The following LYST variants were observed in gnomAD, a reference collection of about 807,000 sequenced individuals.
LYST encodes the protein lysosomal-trafficking regulator.
Under a neutral mutation model 413.6 loss-of-function variants are expected in LYST, and 192 were observed. The ratio of observed to expected loss-of-function variants is 0.46; its 90% CI spans 0.41 to 0.52. LYST has a LOEUF of 0.52. LYST is among the 20% of genes least tolerant of loss of function. The pLI, the probability that LYST is intolerant of heterozygous loss-of-function variation, is 0.00. For synonymous variants in LYST, 1,525 were observed against 1,567.3 expected, an observed-to-expected ratio of 0.97 and a Z score of 0.64; for missense variants, 3,815 against 4,499.9, an observed-to-expected ratio of 0.85 and a Z score of 4.35.
chr1:235,841,667 G>C (rs753400214), intron 1 of LYST, among the ~76,000 whole-genome samples: 1 of 152,156 alleles, frequency 6.6e-6, no homozygotes, highest in Non-Finnish European at 1.5e-5. Flanking sequence ...AGTGTGGATT[G>C]GATCAAGGGT....
chr1:235,782,172 G>C, intron 14 of LYST, 85 bp from the exon 15 acceptor site: 1 of 1,194,302 alleles, frequency 8.4e-7, no homozygotes, highest in Admixed American at 2.3e-5. Flanking sequence ...ATTTAACAAT[G>C]GGGAATTCTT....
intron 1 of LYST, among the ~76,000 whole-genome samples, chr1:235,882,248 G>A (rs1300665859): frequency 6.6e-6 from 1 of 152,188 alleles, no homozygotes; most frequent in East Asian, 1.9e-4. Flanking sequence ...TGAGGGAATA[G>A]CATAGGAAGT....
rs1265885719 is a variant in LYST, at chr1:235,806,638, T to C, written c.2498A>G (p.Asp833Gly). Residue 833 changes from aspartate (D) to glycine (G), a missense_variant, in exon 6 of 53, where the codon GAT becomes GGT. By Grantham distance (94) the Asp-to-Gly change is moderately conservative (BLOSUM62 -1). Around this residue, in one of 4 missense-constraint regions of LYST, gnomAD observed 1,648 missense variants for 1,810.3 expected, o/e 0.91. Coordinates refer to ENST00000389793, the MANE Select transcript of LYST (RefSeq NM_000081.4). ...CCCATCAATATCTGGAACTGAGGCA[T>C]CTTTCTGTTGCTCCCCTAGGCTGAT... is the stretch of plus-strand genomic sequence containing the variant. ...LIISLGEQQK[D>G]ASVPDIDGID... 6.2e-7 allele frequency: 1 copy of C among 1,614,108 alleles called. No homozygotes were observed. Among genetic ancestry groups the C allele is most frequent in the Non-Finnish European group, 8.5e-7 (1 of 1,179,972 alleles).
At chr1:235,801,387 A>G (rs1672198035) in intron 8 of LYST, among the ~76,000 whole-genome samples, 1 of 149,130 alleles carries the variant, frequency 6.7e-6, no homozygotes, top group Admixed American at 6.7e-5. Context: ...CACAACTTTA[A>G]AAAAAAAAAA....
At chr1:235,695,629 AT>A (rs148101450) in intron 46 of LYST, among the ~76,000 whole-genome samples, 20 of 116,412 alleles carry the variant, frequency 1.7e-4, no homozygotes, top group African/African-American at 5.8e-4. Flanking sequence ...CAGTACTCTA[AT>A]TTTTTTTTTT....
intron 46 of LYST, among the ~76,000 whole-genome samples, chr1:235,694,649 C>T (rs906674299): frequency 6.6e-6 from 1 of 152,076 alleles, no homozygotes; most frequent in Non-Finnish European, 1.5e-5. Context: ...GAAATGTTGA[C>T]AACATTTTGT....
At chr1:235,677,747 C>T in intron 48 of LYST, 128 bp from the exon 49 acceptor site, 2 of 623,574 alleles carry the variant, frequency 3.2e-6, no homozygotes, top group Non-Finnish European at 2.8e-6. Context: ...CAATCCTATT[C>T]AGAGTAAAAC....
In LYST at chr1:235,709,303, CA is replaced by C; in HGVS notation, c.9930del (p.Phe3310LeufsTer36). 1 of 1,611,596 alleles carries C rather than the reference CA, an allele frequency of 6.2e-7. No individual in the cohort carries two copies. The highest frequency in any genetic ancestry group is 8.5e-7 in the Non-Finnish European group (1 of 1,178,540). ...LPEFLVNREG[F>X]DFGVRQNGER... ...TCACCATTCTGACGCACACCAAAAT[CA>C]AAACCTAAAAGAGAAGATTAATATT... On this transcript the variant is annotated frameshift_variant, in exon 44 of 53. Coordinates refer to ENST00000389793, the MANE Select transcript of LYST (RefSeq NM_000081.4). LOFTEE classifies it high-confidence loss of function.
intron 48 of LYST, among the ~76,000 whole-genome samples, chr1:235,685,298 G>A (rs1204148029): frequency 6.6e-6 from 1 of 151,914 alleles, no homozygotes; most frequent in Non-Finnish European, 1.5e-5. Context: ...GCCCTTCTTT[G>A]CTTCCTGCCT....
chr1:235,880,198 T>C (rs1681318997), intron 1 of LYST, among the ~76,000 whole-genome samples: 1 of 152,248 alleles, frequency 6.6e-6, no homozygotes, highest in Admixed American at 6.5e-5. Context: ...TGTTTCTTTT[T>C]GTATTGACCA....
At position 235,766,263 on chromosome 1, in the gene LYST, C is replaced by T. The variant is rs769016433; in HGVS notation, c.5937G>A (p.Gly1979=). 1.2e-6 allele frequency: 2 copies of T among 1,607,282 alleles called. No homozygotes were observed. Among genetic ancestry groups the T allele is most frequent in the Non-Finnish European group, 1.7e-6 (2 of 1,177,328 alleles). Residue 1979 remains glycine (G), a synonymous_variant, in exon 21 of 53, where the codon GGG becomes GGA. Transcript: ENST00000389793. ...TCQVLQEYKE[G]QLTPMPREVC... The stretch of plus-strand genomic sequence containing the variant: ...CCTCTCGGGGCATGGGTGTGAGTTG[C>T]CCCTCTTTGTATTCCTGAAAAAATA...
At position 235,668,139 on chromosome 1, in the gene LYST, T is replaced by C. The variant is rs537832302; in HGVS notation, c.11039-3518A>G. ...CCAGATATTTTCAATCTGAGGTTGG[T>C]TGAATCCACGGATGTGAAACCCACA... On this transcript the variant is annotated intron_variant, in intron 50 of 52. Coordinates refer to ENST00000389793, the MANE Select transcript of LYST (RefSeq NM_000081.4). Among the ~76,000 whole-genome samples the C allele has an allele frequency of 3.3e-5, 5 of 152,250 alleles. No homozygotes were observed. In the South Asian group the frequency reaches 1.0e-3, roughly 32 times the overall value.
intron 50 of LYST, among the ~76,000 whole-genome samples, chr1:235,670,310 T>C (rs1378102832): frequency 6.6e-6 from 1 of 152,216 alleles, no homozygotes; most frequent in Non-Finnish European, 1.5e-5. Flanking sequence ...AAAACTTTTC[T>C]CTCCTTTGTT....
Position 235,744,608 on chromosome 1 carries a change from A to G in LYST, c.7973-451T>C, listed in dbSNP as rs1006959182. Among the ~76,000 whole-genome samples the G allele has an allele frequency of 1.6e-3, 245 of 150,230 alleles. 1 individual carries two copies. The highest frequency in any genetic ancestry group is 5.7e-3 in the African/African-American group (235 of 41,114). On this transcript the variant is annotated intron_variant, in intron 29 of 52. Transcript: ENST00000389793. ...ACAGAATGTATATTAGAAAAGTGGA[A>G]AAAAAAAAATGCTGGGGACGATGGC...
At chr1:235,733,385 C>G in intron 34 of LYST, 118 bp downstream of exon 34, 1 of 876,888 alleles carries the variant, frequency 1.1e-6, no homozygotes, top group Non-Finnish European at 1.8e-6. Flanking sequence ...AATGATTAAA[C>G]AAAAAATTGT....
intron 40 of LYST, among the ~76,000 whole-genome samples, chr1:235,719,235 C>T (rs1663119844): frequency 6.6e-6 from 1 of 152,132 alleles, no homozygotes; most frequent in South Asian, 2.1e-4. Flanking sequence ...CCAGGCTGCT[C>T]TTGAACTTCA....
chr1:235,682,129 G>A (rs1367844507), intron 48 of LYST, among the ~76,000 whole-genome samples: 3 of 152,158 alleles, frequency 2.0e-5, no homozygotes, highest in African/African-American at 7.2e-5. Context: ...GAGCAACATA[G>A]TGGGAGCCCG....
At chr1:235,860,800 T>C (rs906410820) in intron 1 of LYST, among the ~76,000 whole-genome samples, 1 of 152,178 alleles carries the variant, frequency 6.6e-6, no homozygotes, top group Admixed American at 6.6e-5. Flanking sequence ...ACATATCTAG[T>C]ATCCCCTGAA....
At chr1:235,751,953 G>T in intron 27 of LYST, 52 bp downstream of exon 27, 3 of 1,256,582 alleles carry the variant, frequency 2.4e-6, no homozygotes, top group Non-Finnish European at 3.5e-6. Context: ...TCAAATAACA[G>T]GTTTGTCTGT....
Sources: allele counts gnomAD v4.1 joint callset (sites outside exome capture counted in the v4.1 genomes callset), GRCh38; gene constraint gnomAD v4.1.1; regional missense constraint gnomAD v4.1.1; transcripts MANE v1.5; gene names NCBI Gene and HGNC (gene_info 2026-07-23, HGNC 2026-07-21).